The following COL4A5 variants were observed in gnomAD, a reference collection of about 807,000 sequenced individuals.
COL4A5 encodes collagen alpha-5(IV) chain.
COL4A5 carries 26 observed loss-of-function variants against 130.2 expected under a neutral mutation model. The observed-to-expected ratio is 0.20, with a 90% CI of 0.15 to 0.28. The LOEUF (loss-of-function observed/expected upper bound fraction) is 0.28. COL4A5 is among the 10% of genes least tolerant of loss of function. The probability of loss-of-function intolerance (pLI) is 1.00; values close to 1 mark genes in which losing one functional copy is unlikely to be tolerated. For missense variants in COL4A5, 1,131 were observed against 1,344.3 expected, an observed-to-expected ratio of 0.84 and a Z score of 2.48; for synonymous variants, 496 against 439.6, an observed-to-expected ratio of 1.13 and a Z score of -1.60.
chrX:108,655,483 C>G, intron 37 of COL4A5, 26 bp downstream of exon 37: 1 of 1,206,281 alleles, frequency 8.3e-7, no homozygotes, highest in Non-Finnish European at 1.1e-6. Context: ...TTAAATGCTT[C>G]CTTCTTTCCT....
intron 49 of COL4A5, among the ~76,000 whole-genome samples, chrX:108,691,100 G>A (rs1397734412): frequency 9.0e-6 from 1 of 111,222 alleles, no homozygotes; most frequent in Admixed American, 9.7e-5. Context: ...GTATATATGG[G>A]AGCTAAAAAT....
chrX:108,473,633 A>ATATATATATATATATTTTTTTTT, intron 1 of COL4A5, among the ~76,000 whole-genome samples: 7 of 34,562 alleles, frequency 2.0e-4, no homozygotes, highest in Admixed American at 5.0e-4. Flanking sequence ...ATATATATAT[A>ATATATATATATATATTTTTTTTT]TTTTTTTTTT....
chrX:108,467,485 C>T (rs962558554), intron 1 of COL4A5, among the ~76,000 whole-genome samples: 23 of 111,293 alleles, frequency 2.1e-4, no homozygotes, highest in African/African-American at 7.2e-4. Context: ...TCTTAGGGCC[C>T]CTTGCAATTC....
intron 36 of COL4A5, chrX:108,627,837 G>A (rs28756166): frequency 0.1 from 11,576 of 110,394 alleles, 1,302 homozygotes; most frequent in African/African-American, 0.34. Flanking sequence ...TGCATATATG[G>A]TATTTCATCA....
At chrX:108,471,280 C>T (rs898937424) in intron 1 of COL4A5, among the ~76,000 whole-genome samples, 1 of 112,001 alleles carries the variant, frequency 8.9e-6, no homozygotes, top group Non-Finnish European at 1.9e-5. Flanking sequence ...ATCTGTAAGC[C>T]TGGAATGTTT....
intron 42 of COL4A5, among the ~76,000 whole-genome samples, chrX:108,671,510 C>G (rs2068206794): frequency 9.0e-6 from 1 of 111,622 alleles, no homozygotes; most frequent in Non-Finnish European, 1.9e-5. Flanking sequence ...GAGAAATTAT[C>G]CACAAGACAG....
intron 2 of COL4A5, among the ~76,000 whole-genome samples, chrX:108,548,215 T>C: frequency 8.9e-6 from 1 of 112,114 alleles, no homozygotes; most frequent in African/African-American, 3.2e-5. Flanking sequence ...CTGGGAGCTG[T>C]AGACTGGGGC....
At chrX:108,543,990 A>AGCTTAAGGAGAT (rs1320202411) in intron 2 of COL4A5, among the ~76,000 whole-genome samples, 7 of 112,253 alleles carry the variant, frequency 6.2e-5, no homozygotes, top group African/African-American at 1.9e-4. Context: ...GTTGCTTATC[A>AGCTTAAGGAGAT]GCTTAAGGAG....
In COL4A5 at chrX:108,647,986, T is replaced by C. The variant is rs918934385; in HGVS notation, c.3247-7345T>C. On this transcript the variant is annotated intron_variant, in intron 36 of 52. Coordinates refer to ENST00000328300, the MANE Select transcript of COL4A5 (RefSeq NM_033380.3). ...TGTGTTGCTGGATTTGGTTTGCCAG[T>C]ATTTTATTGAGGATTTTTGCATCAA... Among the ~76,000 whole-genome samples the C allele has an allele frequency of 2.3e-4, 26 of 111,595 alleles. No individual in the cohort carries two copies. The South Asian group carries it at 4.1e-3, about 18-fold the overall frequency.
At chrX:108,678,841 G>C (rs753999390) in intron 44 of COL4A5, among the ~76,000 whole-genome samples, 1 of 111,701 alleles carries the variant, frequency 9.0e-6, no homozygotes, top group East Asian at 2.8e-4. Flanking sequence ...TTCCAGTACA[G>C]GATCCAGGCC....
At chrX:108,634,912 GAGA>G (rs1461439019) in intron 36 of COL4A5, among the ~76,000 whole-genome samples, 6 of 110,933 alleles carry the variant, frequency 5.4e-5, no homozygotes, top group Admixed American at 3.9e-4. Context: ...TATAAAGGAA[GAGA>G]AGAAGAACAG....
intron 43 of COL4A5, among the ~76,000 whole-genome samples, chrX:108,676,555 GATAC>G (rs2068306732): frequency 1.8e-5 from 2 of 111,658 alleles, no homozygotes; most frequent in Non-Finnish European, 3.8e-5. Context: ...TTATTCACAA[GATAC>G]ATACAGAATT....
intron 2 of COL4A5, among the ~76,000 whole-genome samples, chrX:108,540,589 T>C (rs1481625091): frequency 2.7e-5 from 3 of 111,231 alleles, no homozygotes; most frequent in South Asian, 3.8e-4. Flanking sequence ...TAGCTGGGAT[T>C]GTAGGCATGC....
intron 1 of COL4A5, among the ~76,000 whole-genome samples, chrX:108,535,258 A>G (rs993061726): frequency 7.2e-5 from 8 of 111,318 alleles, no homozygotes; most frequent in African/African-American, 2.3e-4. Context: ...AAAGATAGTT[A>G]CTATATATTT....
At chrX:108,510,484 T>A (rs1330999080) in intron 1 of COL4A5, among the ~76,000 whole-genome samples, 1 of 110,669 alleles carries the variant, frequency 9.0e-6, no homozygotes, top group Non-Finnish European at 1.9e-5. Context: ...AGAATTGTGC[T>A]TTTTAAGGCC....
chrX:108,601,226 T>G (rs1373432681), intron 25 of COL4A5, among the ~76,000 whole-genome samples, 167 bp from the exon 26 acceptor site: 3 of 112,173 alleles, frequency 2.7e-5, no homozygotes, highest in East Asian at 2.8e-4. Context: ...ATCCTTCTGT[T>G]TTATATATTT....
At chrX:108,691,573 C>T (rs924238807) in intron 49 of COL4A5, among the ~76,000 whole-genome samples, 15 of 110,186 alleles carry the variant, frequency 1.4e-4, no homozygotes, top group African/African-American at 3.9e-4. Context: ...ACATTTAACA[C>T]GTAAAGTCTT....
intron 36 of COL4A5, among the ~76,000 whole-genome samples, chrX:108,641,937 G>C (rs1187628234): frequency 8.9e-6 from 1 of 112,053 alleles, no homozygotes; most frequent in African/African-American, 3.2e-5. Context: ...CTCCACAGAT[G>C]GGGGAAGAAC....
chrX:108,584,068 A>G (rs950061787), intron 17 of COL4A5, among the ~76,000 whole-genome samples: 16 of 98,623 alleles, frequency 1.6e-4, no homozygotes, highest in Non-Finnish European at 2.4e-4. Flanking sequence ...AAACATGGCT[A>G]AATGTAAAAA....
Sources: allele counts gnomAD v4.1 joint callset (sites outside exome capture counted in the v4.1 genomes callset), GRCh38; gene constraint gnomAD v4.1.1; transcripts MANE v1.5; gene names NCBI Gene and HGNC (gene_info 2026-07-23, HGNC 2026-07-21).